SNX30: variants seen among roughly 807,000 people sequenced by gnomAD.
SNX30 encodes the protein sorting nexin-30.
In SNX30, 24 loss-of-function variants were observed where a neutral mutation model predicts 46.4. That is an observed-to-expected ratio of 0.52 (90% CI 0.37 to 0.73). The LOEUF is 0.73. Ranked by LOEUF, SNX30 falls within the 30% of genes least tolerant of loss-of-function variation. The pLI, the probability that SNX30 is intolerant of heterozygous loss-of-function variation, is 0.00. For missense variants in SNX30, 533 were observed against 555.7 expected (o/e 0.96, Z 0.41); for synonymous variants, 189 against 211.5 (o/e 0.89, Z 0.92).
At chr9:112,854,161 A>T (rs1841081563) in intron 7 of SNX30, among the ~76,000 whole-genome samples, 1 of 152,230 alleles carries the variant, frequency 6.6e-6, no homozygotes, top group African/African-American at 2.4e-5. Context: ...GTTCGGAATA[A>T]TAGGCTGAGT....
chr9:112,829,241 CT>C (rs1840625210), intron 3 of SNX30, among the ~76,000 whole-genome samples: 1 of 151,988 alleles, frequency 6.6e-6, no homozygotes, highest in African/African-American at 2.4e-5. Flanking sequence ...GTTTGGGCAC[CT>C]GCTTTCAATT....
chr9:112,847,331 G>A, intron 6 of SNX30, among the ~76,000 whole-genome samples: 1 of 152,204 alleles, frequency 6.6e-6, no homozygotes, highest in East Asian at 1.9e-4. Flanking sequence ...ATCTGGTTCT[G>A]TCTCTCTGTC....
At chr9:112,777,374 A>G (rs764382341) in intron 1 of SNX30, among the ~76,000 whole-genome samples, 1 of 151,646 alleles carries the variant, frequency 6.6e-6, no homozygotes, top group Non-Finnish European at 1.5e-5. Flanking sequence ...ACCCTCTTTA[A>G]CCAGTTTCCT....
chr9:112,770,332 C>T (rs529048840), intron 1 of SNX30, among the ~76,000 whole-genome samples: 43 of 151,812 alleles, frequency 2.8e-4, no homozygotes, highest in African/African-American at 8.7e-4. Context: ...CCACCACACC[C>T]GACTAATTTT....
At chr9:112,751,833 T>C (rs1236889447) in intron 1 of SNX30, among the ~76,000 whole-genome samples, 3 of 152,074 alleles carry the variant, frequency 2.0e-5, no homozygotes, top group Non-Finnish European at 4.4e-5. Context: ...CCTTTGACCT[T>C]CTTTGTACGG....
intron 1 of SNX30, among the ~76,000 whole-genome samples, chr9:112,759,113 G>A (rs1455091601): frequency 2.6e-5 from 4 of 152,032 alleles, no homozygotes; most frequent in African/African-American, 4.8e-5. Context: ...TGATCTTCCT[G>A]CCTCAACTTC....
intron 1 of SNX30, among the ~76,000 whole-genome samples, chr9:112,753,097 G>A (rs531600297): frequency 6.6e-6 from 1 of 152,354 alleles, no homozygotes; most frequent in South Asian, 2.1e-4. Context: ...GGGAGAGGGT[G>A]TGAATATCAG....
intron 7 of SNX30, among the ~76,000 whole-genome samples, chr9:112,860,472 C>G (rs2131499432): frequency 6.6e-6 from 1 of 152,302 alleles, no homozygotes; most frequent in Non-Finnish European, 1.5e-5. Context: ...TAGTGCCACC[C>G]TAGTCATCCA....
intron 4 of SNX30, among the ~76,000 whole-genome samples, chr9:112,831,871 C>T (rs796100778): frequency 7.9e-5 from 12 of 152,322 alleles, no homozygotes; most frequent in African/African-American, 2.9e-4. Context: ...CTCAGACCCT[C>T]CTGCTAGCTT....
chr9:112,827,224 GT>G (rs1254430766), intron 3 of SNX30, among the ~76,000 whole-genome samples: 5 of 152,162 alleles, frequency 3.3e-5, no homozygotes, highest in African/African-American at 1.2e-4. Context: ...ACCCAAACTT[GT>G]GTGTGTTTAC....
chr9:112,859,486 C>A (rs538292046), intron 7 of SNX30, among the ~76,000 whole-genome samples: 1 of 152,316 alleles, frequency 6.6e-6, no homozygotes, highest in Non-Finnish European at 1.5e-5. Context: ...TGGAATCCAG[C>A]AGGATCATAT....
At chr9:112,775,545 TGTGTGTGTGTGTGTGTG>T in intron 1 of SNX30, among the ~76,000 whole-genome samples, 1 of 64,436 alleles carries the variant, frequency 1.6e-5, no homozygotes, top group Non-Finnish European at 3.6e-5. Context: ...TTTAAATTTG[TGTGTGTGTGTGTGTGTG>T]TGTGTGTGTG....
At position 112,751,152 on chromosome 9, in the gene SNX30, G is replaced by A; in HGVS notation, c.151G>A (p.Asp51Asn). The A allele has an allele frequency of 6.6e-7, 1 of 1,516,648 alleles. No individual in the cohort carries two copies. The highest frequency in any genetic ancestry group is 2.6e-5 in the East Asian group (1 of 38,572). 93.9% of individuals were successfully genotyped at this position (1,516,648 alleles called of 1,614,324 possible). ...PDLLMARSFG[D>N]KDLILPNGGT... is the part of the protein sequence containing the mutation. ...CCTGCTGATGGCCCGCAGCTTCGGT[G>A]ACAAGGTGGGGCGCCTGGGGCCGGG... The change falls in exon 1 of 9, where the codon GAC becomes AAC. Residue 51 changes from aspartate (D) to asparagine (N), a missense_variant. Around this residue, in one of 3 missense-constraint regions of SNX30, gnomAD observed 191 missense variants for 160.3 expected, o/e 1.19. Transcript: ENST00000374232.
rs1322902991 is a variant in SNX30 at position 112,855,815 on chromosome 9, C to T, written c.1101+4870C>T. ...CATGTTAATTGTGAGGTTGGAGAAG[C>T]GACATGCACTTACTTAGCAGGGGCT... is the stretch of plus-strand genomic sequence containing the variant. On this transcript the variant is annotated intron_variant, in intron 7 of 8. Transcript: ENST00000374232. Among the ~76,000 whole-genome samples the T allele has an allele frequency of 3.3e-5, 5 of 152,248 alleles. No homozygotes were observed. The East Asian group carries it at 7.7e-4, about 24-fold the overall frequency.
Position 112,863,924 on chromosome 9 carries a change from A to G in SNX30, c.1102-323A>G, listed in dbSNP as rs146620291. Among the ~76,000 whole-genome samples, 427 of 152,366 alleles carry G rather than the reference A, an allele frequency of 2.8e-3. 1 individual carries two copies. Among genetic ancestry groups the G allele is most frequent in the African/African-American group, 9.5e-3 (396 of 41,586 alleles). On this transcript the variant is annotated intron_variant, in intron 7 of 8. Coordinates refer to ENST00000374232, the MANE Select transcript of SNX30 (RefSeq NM_001012994.2). Reference sequence around the variant, plus strand: ...ACACACTTTCAAGTGTGGATGAGTAAATCCTAAAAGGAACCAAAGACATAT... The same window carrying G: ...ACACACTTTCAAGTGTGGATGAGTAGATCCTAAAAGGAACCAAAGACATAT...
chr9:112,823,802 G>A lies in SNX30; in HGVS notation c.459+5987G>A, dbSNP rs182357836. Among the ~76,000 whole-genome samples, 6 of 151,946 alleles carry A rather than the reference G, an allele frequency of 3.9e-5. No individual in the cohort carries two copies. In the South Asian group the frequency reaches 6.2e-4, roughly 16 times the overall value. The stretch of plus-strand genomic sequence containing the variant: ...TTTCTACTGTTAAAAATATACCTGC[G>A]TTTAGCTTATTCAATGGATAAGTTA... On this transcript the variant is annotated intron_variant, in intron 3 of 8. Coordinates refer to ENST00000374232, the MANE Select transcript of SNX30 (RefSeq NM_001012994.2).
Position 112,868,859 on chromosome 9 carries a change from C to T in SNX30, c.*16C>T, listed in dbSNP as rs781396663. 5.0e-6 allele frequency: 8 copies of T among 1,613,386 alleles called. No homozygotes were observed. In the East Asian group the frequency reaches 8.9e-5, roughly 18 times the overall value. ...GGCCAAGTAAAGTTCTTTCTTGGGA[C>T]GGAGACTCTTCTACCTACACAGGGC... On this transcript the variant is annotated 3_prime_UTR_variant, in exon 9 of 9. Transcript: ENST00000374232.
chr9:112,821,572 C>T lies in SNX30; in HGVS notation c.459+3757C>T, dbSNP rs146690296. Among the ~76,000 whole-genome samples, 745 of 148,546 alleles carry T rather than the reference C, an allele frequency of 5.0e-3. 26 individuals carry two copies. Among genetic ancestry groups the T allele is most frequent in the Non-Finnish European group, 2.6e-3 (175 of 66,976 alleles). The stretch of plus-strand genomic sequence containing the variant: ...TGTGATCTCGGCTCACTGCAAGCTC[C>T]GTCTCCCGGGTTCACGTCATTCTCC... On this transcript the variant is annotated intron_variant, in intron 3 of 8. Coordinates refer to ENST00000374232, the MANE Select transcript of SNX30 (RefSeq NM_001012994.2).
At chr9:112,757,433 G>C (rs979966090) in intron 1 of SNX30, among the ~76,000 whole-genome samples, 1 of 152,154 alleles carries the variant, frequency 6.6e-6, no homozygotes, top group Non-Finnish European at 1.5e-5. Context: ...CTATATCTTG[G>C]CTATTGTGAA....
Sources: allele counts gnomAD v4.1 joint callset (sites outside exome capture counted in the v4.1 genomes callset), GRCh38; gene constraint gnomAD v4.1.1; regional missense constraint gnomAD v4.1.1; transcripts MANE v1.5; gene names NCBI Gene and HGNC (gene_info 2026-07-23, HGNC 2026-07-21).